Variants in MAGI2 observed in about 807,000 individuals in gnomAD.
The protein encoded by MAGI2 is membrane associated guanylate kinase, WW and PDZ domain containing 2.
In MAGI2, 35 loss-of-function variants were observed where a neutral mutation model predicts 133.3. That is an observed-to-expected ratio of 0.26 (90% CI 0.20 to 0.35). MAGI2 has a LOEUF of 0.35. Ranked by LOEUF, MAGI2 falls within the 10% of genes least tolerant of loss-of-function variation. The probability of loss-of-function intolerance (pLI) is 1.00; values close to 1 mark genes in which losing one functional copy is unlikely to be tolerated. For synonymous variants in MAGI2, 729 were observed against 710.6 expected (o/e 1.03, Z -0.41); for missense variants, 1,636 against 1,863.4 (o/e 0.88, Z 2.25).
chr7:78,987,235 C>T (rs181573449), intron 2 of MAGI2, among the ~76,000 whole-genome samples: 59 of 152,050 alleles, frequency 3.9e-4, no homozygotes, highest in African/African-American at 1.2e-3. Context: ...AAGTGAGACT[C>T]ATATTAATGA....
intron 1 of MAGI2, among the ~76,000 whole-genome samples, chr7:79,403,895 T>A (rs1020420902): frequency 1.3e-5 from 2 of 152,194 alleles, no homozygotes; most frequent in African/African-American, 4.8e-5. Context: ...AATTTCTACA[T>A]GTGAAAACTG....
chr7:78,730,663 G>A (rs1417848602), intron 2 of MAGI2, among the ~76,000 whole-genome samples: 12 of 152,008 alleles, frequency 7.9e-5, no homozygotes, highest in Admixed American at 3.3e-4. Context: ...TGTATTCCAC[G>A]GTAGAGTTGA....
chr7:78,270,213 T>C (rs921193897), intron 9 of MAGI2, among the ~76,000 whole-genome samples: 2 of 152,164 alleles, frequency 1.3e-5, no homozygotes, highest in African/African-American at 4.8e-5. Flanking sequence ...GTCTCCAGTT[T>C]TGTTCTTTTT....
chr7:79,331,953 A>T (rs1490759001), intron 1 of MAGI2, among the ~76,000 whole-genome samples: 1 of 152,034 alleles, frequency 6.6e-6, no homozygotes, highest in African/African-American at 2.4e-5. Context: ...TAATAAAAAA[A>T]AAAAGGAAAA....
intron 1 of MAGI2, among the ~76,000 whole-genome samples, chr7:79,037,414 C>T (rs1811229391): frequency 6.6e-6 from 1 of 151,994 alleles, no homozygotes; most frequent in African/African-American, 2.4e-5. Flanking sequence ...AAGCACAACC[C>T]GAGTCCTGGA....
intron 6 of MAGI2, among the ~76,000 whole-genome samples, chr7:78,371,372 A>G (rs916524187): frequency 3.3e-5 from 5 of 151,934 alleles, no homozygotes; most frequent in African/African-American, 1.2e-4. Flanking sequence ...ATGGATATGT[A>G]TTTATAACAG....
chr7:78,156,828 C>CA (rs145232799), intron 16 of MAGI2, among the ~76,000 whole-genome samples: 56 of 145,098 alleles, frequency 3.9e-4, no homozygotes, highest in Middle Eastern at 3.5e-3. Context: ...AAAACAAACC[C>CA]AAAAAAAAAC....
intron 1 of MAGI2, among the ~76,000 whole-genome samples, chr7:79,026,798 C>T (rs553952107): frequency 4.4e-4 from 67 of 151,220 alleles, no homozygotes; most frequent in African/African-American, 1.6e-3. Flanking sequence ...GCTTGAGCCC[C>T]GAGAGGCGGA....
intron 1 of MAGI2, among the ~76,000 whole-genome samples, chr7:79,067,526 A>T (rs1363991982): frequency 6.6e-6 from 1 of 152,082 alleles, no homozygotes; most frequent in East Asian, 1.9e-4. Context: ...GGGTTTTCTA[A>T]ATATACAATC....
Position 78,539,939 on chromosome 7 carries a change from A to G in MAGI2, c.539-18294T>C, listed in dbSNP as rs536590485. On this transcript the variant is annotated intron_variant, in intron 3 of 21. Transcript: ENST00000354212. The stretch of plus-strand genomic sequence containing the variant: ...TTCGCCAGGATGTTACTGGTGGTGG[A>G]ATTAGCTGCTGTTTTCTCCTTTCTT... Among the ~76,000 whole-genome samples, 11 of 152,298 alleles carry G rather than the reference A, an allele frequency of 7.2e-5. No individual in the cohort carries two copies. In the East Asian group the frequency reaches 2.1e-3, roughly 29 times the overall value.
rs139300842 is a variant in MAGI2 at position 79,328,869 on chromosome 7, G to A, written c.301+124151C>T. On this transcript the variant is annotated intron_variant, in intron 1 of 21. Transcript: ENST00000354212. ...TGTAGTTATAATTATCTCTTTCTCT[G>A]TAAATGGAAAAGCAGAAGTTTAATT... Among the ~76,000 whole-genome samples the A allele has an allele frequency of 2.6e-5, 4 of 152,194 alleles. No individual in the cohort carries two copies. In the East Asian group the frequency reaches 5.8e-4, roughly 22 times the overall value.
intron 14 of MAGI2, among the ~76,000 whole-genome samples, chr7:78,174,303 G>T (rs187928213): frequency 1.6e-3 from 242 of 152,262 alleles, no homozygotes; most frequent in African/African-American, 5.3e-3. Context: ...AGTGTATTCC[G>T]GAACAAACAG....
At chr7:79,167,417 A>G (rs1359472049) in intron 1 of MAGI2, among the ~76,000 whole-genome samples, 1 of 149,468 alleles carries the variant, frequency 6.7e-6, no homozygotes, top group Non-Finnish European at 1.5e-5. Flanking sequence ...AAAAAAAAAA[A>G]ACTCCAGGCA....
chr7:78,400,693 T>A (rs777768615), intron 6 of MAGI2, among the ~76,000 whole-genome samples: 3 of 152,170 alleles, frequency 2.0e-5, no homozygotes, highest in Non-Finnish European at 4.4e-5. Flanking sequence ...ACTAATGACA[T>A]CCGGGTCCAT....
chr7:78,405,654 TA>T (rs1321045399), intron 6 of MAGI2, among the ~76,000 whole-genome samples: 2 of 152,114 alleles, frequency 1.3e-5, no homozygotes, highest in Non-Finnish European at 1.5e-5. Flanking sequence ...TTAGCTTTTT[TA>T]AACCAAAAAT....
At chr7:78,136,117 TTC>T (rs1491037836) in intron 16 of MAGI2, among the ~76,000 whole-genome samples, 3 of 58,416 alleles carry the variant, frequency 5.1e-5, no homozygotes, top group Non-Finnish European at 6.6e-5. Context: ...TCTTTCTTTC[TTC>T]TTTTTTTTTT....
At chr7:78,780,157 A>G (rs1826283993) in intron 2 of MAGI2, among the ~76,000 whole-genome samples, 1 of 152,390 alleles carries the variant, frequency 6.6e-6, no homozygotes. Context: ...AACTGGCTCT[A>G]TGAAAAACAA....
rs1224864651 is a variant in MAGI2, at chr7:78,521,631, T to G, written c.553A>C (p.Thr185Pro). ...GCTGGTTCTGCTGGCGGCTTTGGGG[T>G]ACCGTAGTAATTGTCTGCAAACAAT... Reference protein sequence around the residue: ...SGTYEDNYYGTPKPPAEPAPL... With the variant: ...SGTYEDNYYGPPKPPAEPAPL... Residue 185 changes from threonine (T) to proline (P), a missense_variant, in exon 4 of 22, where the codon ACC (threonine) becomes CCC (proline). Transcript: ENST00000354212. 1 of 1,614,000 alleles carries G rather than the reference T, an allele frequency of 6.2e-7. No homozygotes were observed. Among genetic ancestry groups the G allele is most frequent in the Non-Finnish European group, 8.5e-7 (1 of 1,179,998 alleles).
chr7:79,086,107 G>T (rs961437222), intron 1 of MAGI2, among the ~76,000 whole-genome samples: 1 of 151,828 alleles, frequency 6.6e-6, no homozygotes, highest in African/African-American at 2.4e-5. Flanking sequence ...TTTTTAGCCT[G>T]TCTCTCATTA....
Sources: allele counts gnomAD v4.1 joint callset (sites outside exome capture counted in the v4.1 genomes callset), GRCh38; gene constraint gnomAD v4.1.1; transcripts MANE v1.5; gene names NCBI Gene and HGNC (gene_info 2026-07-23, HGNC 2026-07-21).